Variants in TRPC4 observed in about 807,000 individuals in gnomAD.
The protein encoded by TRPC4 is short transient receptor potential channel 4.
A neutral mutation model predicts 99.4 loss-of-function variants in TRPC4; 49 were observed. The ratio of observed to expected loss-of-function variants is 0.49; its 90% CI spans 0.39 to 0.63. TRPC4 has a LOEUF of 0.63. Ranked by LOEUF, TRPC4 falls within the 20% of genes least tolerant of loss-of-function variation. The pLI, the probability that TRPC4 is intolerant of heterozygous loss-of-function variation, is 0.00. For missense variants in TRPC4, 898 were observed against 1,152.9 expected (o/e 0.78, Z 3.20); for synonymous variants, 454 against 425.9 (o/e 1.07, Z -0.81).
chr13:37,656,961 A>C (rs763469039), intron 6 of TRPC4, among the ~76,000 whole-genome samples: 12 of 152,192 alleles, frequency 7.9e-5, no homozygotes, highest in African/African-American at 9.7e-5. Context: ...AAGGGCTATA[A>C]TTCTTTGCAT....
At chr13:37,750,680 G>T (rs1955909116) in intron 2 of TRPC4, among the ~76,000 whole-genome samples, 1 of 151,954 alleles carries the variant, frequency 6.6e-6, no homozygotes, top group Admixed American at 6.6e-5. Flanking sequence ...TTAAGTTCTG[G>T]AGTACATGTG....
chr13:37,692,219 A>G lies in TRPC4; in HGVS notation c.1014T>C (p.Leu338=). 1 of 1,614,130 alleles carries G rather than the reference A, an allele frequency of 6.2e-7. No individual in the cohort carries two copies. ...AGCACACAGAGAAGACAGGAAAAAG[A>G]AGTCCTATTATGAAACATGTCACCA... is the stretch of plus-strand genomic sequence containing the variant. ...VKMVTCFIIG[L]LFPVFSVCYL... The change falls in exon 4 of 11, where the codon CTT becomes CTC. Residue 338 remains leucine, a synonymous_variant. Coordinates refer to ENST00000379705, the MANE Select transcript of TRPC4 (RefSeq NM_016179.4).
intron 8 of TRPC4, among the ~76,000 whole-genome samples, chr13:37,643,260 A>G (rs1951779302): frequency 6.6e-6 from 1 of 152,204 alleles, no homozygotes; most frequent in Non-Finnish European, 1.5e-5. Flanking sequence ...TTATTAAATG[A>G]CTACATGTGT....
At chr13:37,645,019 G>A (rs1214993904) in intron 8 of TRPC4, among the ~76,000 whole-genome samples, 1 of 151,492 alleles carries the variant, frequency 6.6e-6, no homozygotes, top group Non-Finnish European at 1.5e-5. Context: ...CCTTAACTGA[G>A]TGTCTAGGAA....
At position 37,705,685 on chromosome 13, in the gene TRPC4, T is replaced by C. The variant is rs1030751631; in HGVS notation, c.898-13350A>G. Among the ~76,000 whole-genome samples, 4 of 152,176 alleles carry C rather than the reference T, an allele frequency of 2.6e-5. No individual in the cohort carries two copies. The South Asian group carries it at 8.3e-4, about 31-fold the overall frequency. On this transcript the variant is annotated intron_variant, in intron 3 of 10. Coordinates refer to ENST00000379705, the MANE Select transcript of TRPC4 (RefSeq NM_016179.4). ...CCTTCTAACCCATGGACCATTCTGC[T>C]GAGATGGTAGGCCTTCCAGCATGCA... is the stretch of plus-strand genomic sequence containing the variant.
chr13:37,660,393 A>T (rs9603245), intron 6 of TRPC4, among the ~76,000 whole-genome samples: 2 of 151,874 alleles, frequency 1.3e-5, no homozygotes, highest in Non-Finnish European at 2.9e-5. Flanking sequence ...GATAATTTTT[A>T]GAGCAGTTTT....
At chr13:37,667,853 T>G (rs1183037896) in intron 5 of TRPC4, among the ~76,000 whole-genome samples, 1 of 152,250 alleles carries the variant, frequency 6.6e-6, no homozygotes, top group Non-Finnish European at 1.5e-5. Context: ...AAAATGCTTT[T>G]CCATGAACAT....
At chr13:37,764,717 G>T (rs1391679826) in intron 2 of TRPC4, among the ~76,000 whole-genome samples, 2 of 150,616 alleles carry the variant, frequency 1.3e-5, no homozygotes, top group African/African-American at 4.9e-5. Flanking sequence ...TCAAGTTAAG[G>T]AATATCTTTT....
At position 37,770,223 on chromosome 13, in the gene TRPC4, A is replaced by G. The variant is rs554306271; in HGVS notation, c.378+12733T>C. On this transcript the variant is annotated intron_variant, in intron 2 of 10. Transcript: ENST00000379705. ...ACTGAATTTCAGGCCTGACTCAAGG[A>G]CTAATAATCTCAGTAGTCCTTGGTA... Among the ~76,000 whole-genome samples the G allele has an allele frequency of 1.9e-3, 284 of 151,606 alleles. 1 individual carries two copies. The highest frequency in any genetic ancestry group is 3.4e-3 in the Non-Finnish European group (229 of 67,640).
chr13:37,855,354 A>ATATC (rs1422341263), intron 1 of TRPC4, among the ~76,000 whole-genome samples: 1 of 148,828 alleles, frequency 6.7e-6, no homozygotes, highest in Non-Finnish European at 1.5e-5. Context: ...ATATATATAT[A>ATATC]TATGCACCTA....
intron 3 of TRPC4, among the ~76,000 whole-genome samples, chr13:37,734,151 C>A (rs1444391332): frequency 6.6e-6 from 1 of 152,132 alleles, no homozygotes; most frequent in Non-Finnish European, 1.5e-5. Flanking sequence ...CCCCATATAC[C>A]TTTTCTAACT....
At chr13:37,705,309 G>A (rs374664078) in intron 3 of TRPC4, among the ~76,000 whole-genome samples, 1 of 152,118 alleles carries the variant, frequency 6.6e-6, no homozygotes, top group Non-Finnish European at 1.5e-5. Flanking sequence ...TGGGGGTGGA[G>A]TTGAGGAAGA....
intron 1 of TRPC4, among the ~76,000 whole-genome samples, chr13:37,831,444 A>G (rs2139594733): frequency 6.6e-6 from 1 of 152,340 alleles, no homozygotes; most frequent in Admixed American, 6.5e-5. Context: ...TGGGAATATA[A>G]ATAGGTACAG....
At chr13:37,806,299 A>C (rs1957528856) in intron 1 of TRPC4, among the ~76,000 whole-genome samples, 1 of 152,034 alleles carries the variant, frequency 6.6e-6, no homozygotes, top group South Asian at 2.1e-4. Context: ...TCTTTGATAC[A>C]TCGAACTATT....
chr13:37,830,712 T>TAA (rs926081158), intron 1 of TRPC4, among the ~76,000 whole-genome samples: 2 of 142,868 alleles, frequency 1.4e-5, no homozygotes, highest in African/African-American at 5.1e-5. Context: ...AATTCCGTTT[T>TAA]AAAAAAAAAA....
chr13:37,660,493 T>C (rs565645337), intron 6 of TRPC4, among the ~76,000 whole-genome samples: 99 of 152,282 alleles, frequency 6.5e-4, no homozygotes, highest in African/African-American at 2.4e-3. Context: ...AGGCTTCTTT[T>C]AGGTTTACTT....
At chr13:37,729,947 A>T (rs1238193975) in intron 3 of TRPC4, among the ~76,000 whole-genome samples, 2 of 152,176 alleles carry the variant, frequency 1.3e-5, no homozygotes, top group Admixed American at 1.3e-4. Flanking sequence ...ATGCCACTCA[A>T]CTACACACAC....
chr13:37,830,985 T>A (rs1958406437), intron 1 of TRPC4, among the ~76,000 whole-genome samples: 1 of 149,574 alleles, frequency 6.7e-6, no homozygotes, highest in Admixed American at 6.6e-5. Context: ...TTTGAGTTTC[T>A]TATCTATTTT....
rs761827542 is a variant in TRPC4 at position 37,637,106 on chromosome 13, G to T, written c.2731C>A (p.His911Asn). 1 of 1,613,628 alleles carries T rather than the reference G, an allele frequency of 6.2e-7. No individual in the cohort carries two copies. Among genetic ancestry groups the T allele is most frequent in the Admixed American group, 1.7e-5 (1 of 59,914 alleles). The change falls in exon 11 of 11, where the codon CAT becomes AAT. Residue 911 changes from histidine (H) to asparagine (N), a missense_variant. Physicochemically the swap from His to Asn is moderately conservative, Grantham distance 68. Around this residue, in one of 3 missense-constraint regions of TRPC4, gnomAD observed 346 missense variants for 351.4 expected, o/e 0.98. Transcript: ENST00000379705. ...AGTGTGTCCGTATTCCTTTCTCTAT[G>T]GTCTACTAACACACATTGTTCACTG... ...GLSEQCVLVD[H>N]RERNTDTLGL... is the part of the protein sequence containing the mutation.
Sources: gnomAD v4.1 joint callset for allele counts (sites outside exome capture counted in the v4.1 genomes callset) on GRCh38, gnomAD v4.1.1 for gene constraint, gnomAD v4.1.1 regional missense constraint, MANE v1.5 for transcripts, NCBI Gene and HGNC (gene_info 2026-07-23, HGNC 2026-07-21) for gene names.